OR4X2: variants seen among roughly 807,000 people sequenced by gnomAD.
OR4X2 encodes the protein olfactory receptor 4X2.
For missense variants in OR4X2, 554 were observed against 359.5 expected (o/e 1.54, Z -4.38); for synonymous variants, 205 against 136.6 (o/e 1.50, Z -3.49).
chr11:48,245,577 G>A lies in OR4X2; in HGVS notation c.474G>A (p.Leu158=), dbSNP rs1430614180. Residue 158 remains leucine, a synonymous_variant, in exon 1 of 1, where the codon CTG becomes CTA. Transcript: ENST00000624868. The stretch of plus-strand genomic sequence containing the variant: ...CACAAATCCTTCTCATCTTCCACCT[G>A]CTCTTCTGTGGCCCCAATGTGATCA... The part of the protein sequence containing the change: ...SFAQILLIFH[L]LFCGPNVINH... 6.2e-7 allele frequency: 1 copy of A among 1,614,100 alleles called. No individual in the cohort carries two copies.
rs758213929 is a variant in OR4X2, at chr11:48,245,687, G to T, written c.584G>T (p.Gly195Val). The change falls in exon 1 of 1, where the codon GGA becomes GTA. Residue 195 changes from glycine (G) to valine (V), a missense_variant. Transcript: ENST00000624868. ...FLIGLLIVAN[G>V]GTLSVISFGV... is the part of the protein sequence containing the mutation. ...ATTGGTCTGCTGATTGTTGCCAATG[G>T]AGGCACCCTGTCTGTGATCAGTTTT... is the stretch of plus-strand genomic sequence containing the variant. 49 of 1,613,958 alleles carry T rather than the reference G, an allele frequency of 3.0e-5. No individual in the cohort carries two copies. In the South Asian group the frequency reaches 5.1e-4, roughly 17 times the overall value.
At position 48,245,298 on chromosome 11, in the gene OR4X2, C is replaced by T. The variant is rs760527518; in HGVS notation, c.195C>T (p.Tyr65=). The T allele has an allele frequency of 1.9e-6, 3 of 1,614,184 alleles. No individual in the cohort carries two copies. Among genetic ancestry groups the T allele is most frequent in the South Asian group, 2.2e-5 (2 of 91,080 alleles). The stretch of plus-strand genomic sequence containing the variant: ...ACCTCTCCTTCATGGAGATCTGCTA[C>T]TCCTCCGCTACAGCCCCCAAACTCA... ...LSYLSFMEIC[Y]SSATAPKLIS... is the part of the protein sequence containing the mutation. The change falls in exon 1 of 1, where the codon TAC becomes TAT. Residue 65 remains tyrosine, a synonymous_variant. Transcript: ENST00000624868.
chr11:48,245,587 G>A lies in OR4X2; in HGVS notation c.484G>A (p.Gly162Ser). 6.2e-7 allele frequency: 1 copy of A among 1,614,042 alleles called. No individual in the cohort carries two copies. The highest frequency in any genetic ancestry group is 8.5e-7 in the Non-Finnish European group (1 of 1,179,984). Residue 162 changes from glycine to serine, a missense_variant, in exon 1 of 1, where the codon GGC (glycine) becomes AGC (serine). Physicochemically the swap from Gly to Ser is moderately conservative, Grantham distance 56 (BLOSUM62 0). Transcript: ENST00000624868. ...TCTCATCTTCCACCTGCTCTTCTGT[G>A]GCCCCAATGTGATCAATCACTATTT... ...ILLIFHLLFC[G>S]PNVINHYFCD...
rs752912616 is a variant in OR4X2 at position 48,245,734 on chromosome 11, A to G, written c.631A>G (p.Met211Val). 1.9e-6 allele frequency: 3 copies of G among 1,613,834 alleles called. No individual in the cohort carries two copies. Among genetic ancestry groups the G allele is most frequent in the East Asian group, 2.2e-5 (1 of 44,874 alleles). Residue 211 changes from methionine (M) to valine (V), a missense_variant, in exon 1 of 1, where the codon ATG becomes GTG. By Grantham distance (21) the Met-to-Val change is conservative. Transcript: ENST00000624868. ...ISFGVLLASY[M>V]VILLHLRTWS... ...TTTTGGGGTCCTCTTAGCATCCTAT[A>G]TGGTCATCTTGCTCCATCTGAGAAC...
At position 48,245,708 on chromosome 11, in the gene OR4X2, G is replaced by C. The variant is rs149354803; in HGVS notation, c.605G>C (p.Ser202Thr). 4 of 1,614,180 alleles carry C rather than the reference G, an allele frequency of 2.5e-6. No individual in the cohort carries two copies. In the African/African-American group the frequency reaches 5.3e-5, roughly 22 times the overall value. Residue 202 changes from serine to threonine, a missense_variant, in exon 1 of 1, where the codon AGT becomes ACT. Transcript: ENST00000624868. ...AATGGAGGCACCCTGTCTGTGATCAGTTTTGGGGTCCTCTTAGCATCCTAT... is the reference window on the plus strand; with the variant it reads ...AATGGAGGCACCCTGTCTGTGATCACTTTTGGGGTCCTCTTAGCATCCTAT... The part of the protein sequence containing the change: ...VANGGTLSVI[S>T]FGVLLASYMV...
chr11:48,245,379 G>C lies in OR4X2; in HGVS notation c.276G>C (p.Gln92His). ...KVISWWGCMAQLFFLHFFGGT... is the reference protein window; with the variant it reads ...KVISWWGCMAHLFFLHFFGGT... ...TATCTTGGTGGGGCTGCATGGCACA[G>C]CTTTTCTTCTTGCACTTCTTTGGTG... Residue 92 changes from glutamine (Q) to histidine (H), a missense_variant, in exon 1 of 1, where the codon CAG becomes CAC. Coordinates refer to ENST00000624868, the MANE Select transcript of OR4X2 (RefSeq NM_001004727.1). The C allele has an allele frequency of 6.2e-7, 1 of 1,614,110 alleles. No individual in the cohort carries two copies. The highest frequency in any genetic ancestry group is 8.5e-7 in the Non-Finnish European group (1 of 1,180,024).
Position 48,245,764 on chromosome 11 carries a change from A to T in OR4X2, c.661A>T (p.Ser221Cys). The T allele has an allele frequency of 2.5e-6, 4 of 1,613,902 alleles. No homozygotes were observed. Among genetic ancestry groups the T allele is most frequent in the Non-Finnish European group, 3.4e-6 (4 of 1,179,986 alleles). The change falls in exon 1 of 1, where the codon AGC becomes TGC. Residue 221 changes from serine (S) to cysteine (C), a missense_variant. By Grantham distance (112) the Ser-to-Cys change is moderately radical. Coordinates refer to ENST00000624868, the MANE Select transcript of OR4X2 (RefSeq NM_001004727.1). ...CATCTTGCTCCATCTGAGAACCTGG[A>T]GCTCTGAAGGGTGGTGCAAAGCCCT... ...MVILLHLRTW[S>C]SEGWCKALST...
chr11:48,245,981 T>C lies in OR4X2; in HGVS notation c.878T>C (p.Leu293Pro), dbSNP rs148799413. The change falls in exon 1 of 1, where the codon CTG (leucine) becomes CCG (proline). Residue 293 changes from leucine to proline, a missense_variant. Leu to Pro is a moderately conservative substitution (Grantham distance 98, BLOSUM62 -3). Coordinates refer to ENST00000624868, the MANE Select transcript of OR4X2 (RefSeq NM_001004727.1). Reference protein sequence around the residue: ...NAEMRKAMKRLWIRTLRLNEK With the variant: ...NAEMRKAMKRPWIRTLRLNEK ...GAAATGAGGAAGGCCATGAAGAGGC[T>C]GTGGATTAGGACATTGAGACTAAAT... The C allele has an allele frequency of 3.8e-5, 61 of 1,613,780 alleles. No homozygotes were observed. Among genetic ancestry groups the C allele is most frequent in the Admixed American group, 6.7e-5 (4 of 59,988 alleles).
chr11:48,245,773 G>A lies in OR4X2; in HGVS notation c.670G>A (p.Gly224Arg), dbSNP rs768344119. 6.2e-7 allele frequency: 1 copy of A among 1,614,112 alleles called. No individual in the cohort carries two copies. The highest frequency in any genetic ancestry group is 1.1e-5 in the South Asian group (1 of 91,072). The stretch of plus-strand genomic sequence containing the variant: ...CCATCTGAGAACCTGGAGCTCTGAA[G>A]GGTGGTGCAAAGCCCTCTCCACCTG... The part of the protein sequence containing the change: ...LLHLRTWSSE[G>R]WCKALSTCGS... The change falls in exon 1 of 1, where the codon GGG (glycine) becomes AGG (arginine). Residue 224 changes from glycine to arginine, a missense_variant. Coordinates refer to ENST00000624868, the MANE Select transcript of OR4X2 (RefSeq NM_001004727.1).
Position 48,245,935 on chromosome 11 carries a change from A to G in OR4X2, c.832A>G (p.Ile278Val), listed in dbSNP as rs753391086. The change falls in exon 1 of 1, where the codon ATC becomes GTC. Residue 278 changes from isoleucine (I) to valine (V), a missense_variant. Coordinates refer to ENST00000624868, the MANE Select transcript of OR4X2 (RefSeq NM_001004727.1). Reference sequence around the variant, plus strand: ...GATAACCGCGATCCTGAACCCTGTCATCTACTCTCTGAGAAATGCTGAAAT... The same window carrying G: ...GATAACCGCGATCCTGAACCCTGTCGTCTACTCTCTGAGAAATGCTGAAAT... Reference protein sequence around the residue: ...TVITAILNPVIYSLRNAEMRK... With the variant: ...TVITAILNPVVYSLRNAEMRK... 2.4e-5 allele frequency: 38 copies of G among 1,613,994 alleles called. No individual in the cohort carries two copies. Among genetic ancestry groups the G allele is most frequent in the East Asian group, 2.2e-5 (1 of 44,880 alleles).
chr11:48,245,271 C>G lies in OR4X2; in HGVS notation c.168C>G (p.Ser56Arg). ...GTTCCCCCATGTACTTCTTCCTCAGCTACCTCTCCTTCATGGAGATCTGCT... is the reference window on the plus strand; with the variant it reads ...GTTCCCCCATGTACTTCTTCCTCAGGTACCTCTCCTTCATGGAGATCTGCT... ...SLGSPMYFFL[S>R]YLSFMEICYS... Residue 56 changes from serine (S) to arginine (R), a missense_variant, in exon 1 of 1, where the codon AGC (serine) becomes AGG (arginine). Transcript: ENST00000624868. 6.2e-7 allele frequency: 1 copy of G among 1,614,158 alleles called. No homozygotes were observed. The highest frequency in any genetic ancestry group is 8.5e-7 in the Non-Finnish European group (1 of 1,180,026).
rs777886140 is a variant in OR4X2 at position 48,245,693 on chromosome 11, C to A, written c.590C>A (p.Thr197Asn). The change falls in exon 1 of 1, where the codon ACC (threonine) becomes AAC (asparagine). Residue 197 changes from threonine to asparagine, a missense_variant. Transcript: ENST00000624868. Reference protein sequence around the residue: ...IGLLIVANGGTLSVISFGVLL... With the variant: ...IGLLIVANGGNLSVISFGVLL... ...CTGCTGATTGTTGCCAATGGAGGCA[C>A]CCTGTCTGTGATCAGTTTTGGGGTC... The A allele has an allele frequency of 9.9e-6, 16 of 1,614,164 alleles. No homozygotes were observed. Among genetic ancestry groups the A allele is most frequent in the African/African-American group, 2.7e-5 (2 of 75,040 alleles).
In OR4X2 at chr11:48,245,838, C is replaced by A. The variant is rs1859066325; in HGVS notation, c.735C>A (p.Pro245=). The change falls in exon 1 of 1, where the codon CCC becomes CCA. Residue 245 remains proline (P), a synonymous_variant. Coordinates refer to ENST00000624868, the MANE Select transcript of OR4X2 (RefSeq NM_001004727.1). ...HFAVVILFFG[P]CVFNSLRPST... ...CTGTGGTTATCTTGTTCTTTGGGCC[C>A]TGCGTCTTCAACTCTCTGAGGCCTT... 6.2e-7 allele frequency: 1 copy of A among 1,614,060 alleles called. No homozygotes were observed. Among genetic ancestry groups the A allele is most frequent in the Non-Finnish European group, 8.5e-7 (1 of 1,180,000 alleles).
At position 48,245,780 on chromosome 11, in the gene OR4X2, G is replaced by A; in HGVS notation, c.677G>A (p.Cys226Tyr). 6 of 1,614,098 alleles carry A rather than the reference G, an allele frequency of 3.7e-6. 1 individual carries two copies. Among genetic ancestry groups the A allele is most frequent in the South Asian group, 3.3e-5 (3 of 91,082 alleles). The change falls in exon 1 of 1, where the codon TGC (cysteine) becomes TAC (tyrosine). Residue 226 changes from cysteine (C) to tyrosine (Y), a missense_variant. Cys to Tyr is a radical substitution (Grantham distance 194, BLOSUM62 -2). Transcript: ENST00000624868. The stretch of plus-strand genomic sequence containing the variant: ...AGAACCTGGAGCTCTGAAGGGTGGT[G>A]CAAAGCCCTCTCCACCTGTGGGTCC... ...HLRTWSSEGW[C>Y]KALSTCGSHF...
chr11:48,245,511 T>G lies in OR4X2; in HGVS notation c.408T>G (p.Leu136=), dbSNP rs773447711. The G allele has an allele frequency of 2.5e-6, 4 of 1,614,048 alleles. No individual in the cohort carries two copies. Among genetic ancestry groups the G allele is most frequent in the Non-Finnish European group, 3.4e-6 (4 of 1,180,036 alleles). ...TIMNWQVCTV[L]VGIAWVGGFM... ...TGAACTGGCAGGTGTGTACTGTCCT[T>G]GTAGGAATAGCATGGGTGGGAGGCT... The change falls in exon 1 of 1, where the codon CTT becomes CTG. Residue 136 remains leucine, a synonymous_variant. Transcript: ENST00000624868.
rs1456800684 is a variant in OR4X2, at chr11:48,245,653, A to G, written c.550A>G (p.Thr184Ala). The change falls in exon 1 of 1, where the codon ACC becomes GCC. Residue 184 changes from threonine to alanine, a missense_variant. Physicochemically the swap from Thr to Ala is moderately conservative, Grantham distance 58. Transcript: ENST00000624868. ...VPLLKLACSD[T>A]FLIGLLIVAN... ...CCTTCTCAAACTTGCCTGCTCTGAC[A>G]CCTTCCTCATTGGTCTGCTGATTGT... 2.5e-6 allele frequency: 4 copies of G among 1,614,032 alleles called. No individual in the cohort carries two copies. The highest frequency in any genetic ancestry group is 3.4e-6 in the Non-Finnish European group (4 of 1,180,014).
chr11:48,245,291 T>C lies in OR4X2; in HGVS notation c.188T>C (p.Ile63Thr). Residue 63 changes from isoleucine to threonine, a missense_variant, in exon 1 of 1, where the codon ATC becomes ACC. Ile to Thr is a moderately conservative substitution (Grantham distance 89). Coordinates refer to ENST00000624868, the MANE Select transcript of OR4X2 (RefSeq NM_001004727.1). ...CTCAGCTACCTCTCCTTCATGGAGA[T>C]CTGCTACTCCTCCGCTACAGCCCCC... The part of the protein sequence containing the change: ...FFLSYLSFME[I>T]CYSSATAPKL... 1 of 1,614,138 alleles carries C rather than the reference T, an allele frequency of 6.2e-7. No individual in the cohort carries two copies. The highest frequency in any genetic ancestry group is 1.3e-5 in the African/African-American group (1 of 75,044).
chr11:48,245,262 C>T lies in OR4X2; in HGVS notation c.159C>T (p.Phe53=), dbSNP rs756375953. The stretch of plus-strand genomic sequence containing the variant: ...GAAGCCTTGGTTCCCCCATGTACTT[C>T]TTCCTCAGCTACCTCTCCTTCATGG... The part of the protein sequence containing the change: ...TSRSLGSPMY[F]FLSYLSFMEI... The change falls in exon 1 of 1, where the codon TTC becomes TTT. Residue 53 remains phenylalanine (F), a synonymous_variant. Transcript: ENST00000624868. The T allele has an allele frequency of 6.2e-7, 1 of 1,614,166 alleles. No homozygotes were observed. Among genetic ancestry groups the T allele is most frequent in the Non-Finnish European group, 8.5e-7 (1 of 1,180,024 alleles).
rs1359664066 is a variant in OR4X2 at position 48,245,868 on chromosome 11, C to G, written c.765C>G (p.Thr255=). Residue 255 remains threonine, a synonymous_variant, in exon 1 of 1, where the codon ACC becomes ACG. Transcript: ENST00000624868. ...TCTTCAACTCTCTGAGGCCTTCTAC[C>G]ACTCTGCCCATAGACAAGATGGTGG... ...PCVFNSLRPS[T]TLPIDKMVAV... is the part of the protein sequence containing the mutation. The G allele has an allele frequency of 6.2e-7, 1 of 1,614,124 alleles. No individual in the cohort carries two copies. The highest frequency in any genetic ancestry group is 2.2e-5 in the East Asian group (1 of 44,868).
Sources: allele counts gnomAD v4.1 joint callset, GRCh38; gene constraint gnomAD v4.1.1; transcripts MANE v1.5; gene names NCBI Gene and HGNC (gene_info 2026-07-23, HGNC 2026-07-21).